RFX7: variants seen among roughly 807,000 people sequenced by gnomAD.
RFX7 encodes DNA-binding protein RFX7.
RFX7 carries 26 observed loss-of-function variants against 111.8 expected under a neutral mutation model. The observed-to-expected ratio is 0.23, with a 90% CI of 0.17 to 0.32. The LOEUF (loss-of-function observed/expected upper bound fraction) is 0.32, where lower values mean the gene tolerates loss of function less well. Among genes scored for constraint, RFX7 ranks in the 10% least tolerant of loss-of-function variants. The probability of loss-of-function intolerance (pLI) is 1.00; values close to 1 mark genes in which losing one functional copy is unlikely to be tolerated. For missense variants in RFX7, 1,573 were observed against 1,772.9 expected, an observed-to-expected ratio of 0.89 and a Z score of 2.02; for synonymous variants, 624 against 624.4, an observed-to-expected ratio of 1.00 and a Z score of 0.01.
chr15:56,217,112 T>C (rs2043370247), intron 2 of RFX7, among the ~76,000 whole-genome samples: 1 of 152,206 alleles, frequency 6.6e-6, no homozygotes, highest in African/African-American at 2.4e-5. Context: ...GTCAAATTTA[T>C]TTTCTTTCTA....
At chr15:56,209,919 AAAC>A (rs1336436138) in intron 2 of RFX7, among the ~76,000 whole-genome samples, 1 of 152,110 alleles carries the variant, frequency 6.6e-6, no homozygotes, top group Non-Finnish European at 1.5e-5. Flanking sequence ...ACAAAAATAA[AAAC>A]AAAGAACAAG....
At chr15:56,143,878 T>C (rs536795951) in intron 4 of RFX7, among the ~76,000 whole-genome samples, 6 of 152,304 alleles carry the variant, frequency 3.9e-5, no homozygotes, top group Admixed American at 2.0e-4. Context: ...AAAATTAGAA[T>C]GACTGAATGA....
At chr15:56,233,646 T>C (rs928764292) in intron 2 of RFX7, among the ~76,000 whole-genome samples, 9 of 152,110 alleles carry the variant, frequency 5.9e-5, no homozygotes, top group African/African-American at 1.7e-4. Flanking sequence ...TTAGAGTAAC[T>C]GAAATGAGTA....
chr15:56,152,422 T>C (rs747922649), intron 3 of RFX7, among the ~76,000 whole-genome samples: 2 of 152,124 alleles, frequency 1.3e-5, no homozygotes, highest in African/African-American at 2.4e-5. Flanking sequence ...TACAAATACA[T>C]GGAAACTGAA....
chr15:56,161,447 C>T (rs2042719049), intron 3 of RFX7, among the ~76,000 whole-genome samples: 2 of 151,964 alleles, frequency 1.3e-5, no homozygotes, highest in Non-Finnish European at 2.9e-5. Flanking sequence ...GCACATAAAA[C>T]TAAGAAATGA....
intron 2 of RFX7, among the ~76,000 whole-genome samples, chr15:56,184,193 ATTTTTTTTTTTTT>A (rs35880948): frequency 2.5e-5 from 2 of 80,732 alleles, no homozygotes; most frequent in East Asian, 3.6e-4. Context: ...CTAATTTTGT[ATTTTTTTTTTTTT>A]TTTTTTTTTT....
intron 2 of RFX7, among the ~76,000 whole-genome samples, chr15:56,221,636 A>G (rs1276964098): frequency 2.0e-5 from 3 of 151,888 alleles, no homozygotes; most frequent in Non-Finnish European, 4.4e-5. Context: ...TGTCTTCTTT[A>G]TTATTCATCT....
intron 5 of RFX7, among the ~76,000 whole-genome samples, chr15:56,111,648 AAAAT>A (rs1205928927): frequency 8.1e-5 from 12 of 148,418 alleles, no homozygotes; most frequent in African/African-American, 2.5e-4. Context: ...GATCAATAAA[AAAAT>A]AAATAAACCA....
In RFX7 at chr15:56,096,268, G is replaced by T; in HGVS notation, c.1460C>A (p.Thr487Asn). 2.5e-6 allele frequency: 4 copies of T among 1,613,990 alleles called. No individual in the cohort carries two copies. Among genetic ancestry groups the T allele is most frequent in the Non-Finnish European group, 3.4e-6 (4 of 1,179,866 alleles). The change falls in exon 10 of 10, where the codon ACC (threonine) becomes AAC (asparagine). Residue 487 changes from threonine (T) to asparagine (N), a missense_variant. Physicochemically the swap from Thr to Asn is moderately conservative, Grantham distance 65. Coordinates refer to ENST00000559447, the MANE Select transcript of RFX7 (RefSeq NM_022841.7). Reference protein sequence around the residue: ...TISLTPSNSNTPLKHSASVSS... With the variant: ...TISLTPSNSNNPLKHSASVSS... Reference sequence around the variant, plus strand: ...GACTGAGGCAGAATGTTTAAGAGGGGTGTTACTGTTGCTGGGTGTGAGGGA... The same window carrying T: ...GACTGAGGCAGAATGTTTAAGAGGGTTGTTACTGTTGCTGGGTGTGAGGGA...
chr15:56,166,153 C>T (rs144652126), intron 3 of RFX7, among the ~76,000 whole-genome samples: 20 of 152,268 alleles, frequency 1.3e-4, no homozygotes, highest in East Asian at 5.8e-4. Context: ...TCTCCTGCCT[C>T]GGAAAGTGTT....
intron 3 of RFX7, among the ~76,000 whole-genome samples, chr15:56,168,169 T>C (rs1239890504): frequency 6.6e-6 from 1 of 152,190 alleles, no homozygotes; most frequent in East Asian, 1.9e-4. Flanking sequence ...TGTTTCTTCA[T>C]CTGCAAAATG....
intron 5 of RFX7, 57 bp from the exon 6 acceptor site, chr15:56,103,727 G>T: frequency 9.8e-7 from 1 of 1,023,524 alleles, no homozygotes; most frequent in Non-Finnish European, 1.5e-6. Context: ...ATATCGCAGG[G>T]TGCTATTTCA....
chr15:56,215,018 A>C (rs1233983557), intron 2 of RFX7, among the ~76,000 whole-genome samples: 1 of 152,198 alleles, frequency 6.6e-6, no homozygotes, highest in Non-Finnish European at 1.5e-5. Flanking sequence ...TTTAACTACA[A>C]CTTTTTCACT....
At chr15:56,153,213 G>A (rs542327226) in intron 3 of RFX7, among the ~76,000 whole-genome samples, 4 of 152,178 alleles carry the variant, frequency 2.6e-5, no homozygotes, top group African/African-American at 9.7e-5. Context: ...CATTTTATGA[G>A]GCCAGCATCA....
chr15:56,179,915 A>G (rs1595990537), intron 2 of RFX7, among the ~76,000 whole-genome samples: 1 of 152,260 alleles, frequency 6.6e-6, no homozygotes, highest in East Asian at 1.9e-4. Flanking sequence ...AAATAATACA[A>G]TAAAGCCACT....
At chr15:56,217,418 CTTT>C (rs768315071) in intron 2 of RFX7, among the ~76,000 whole-genome samples, 4 of 143,656 alleles carry the variant, frequency 2.8e-5, no homozygotes, top group Non-Finnish European at 4.6e-5. Flanking sequence ...GCTGTTACAA[CTTT>C]TTTTTTTTTT....
chr15:56,207,291 T>C (rs1596009166), intron 2 of RFX7, among the ~76,000 whole-genome samples: 2 of 151,742 alleles, frequency 1.3e-5, no homozygotes. Flanking sequence ...AATGGGGGGG[T>C]ATTGTTTAAT....
In RFX7 at chr15:56,093,352, A is replaced by G. The variant is rs868600830; in HGVS notation, c.4376T>C (p.Leu1459Ser). ...ESKDHPTVEMLG is the reference protein window; with the variant it reads ...ESKDHPTVEMSG ...CATGTTATAAAACACAATTTAACCC[A>G]ACATTTCAACAGTAGGATGGTCCTT... Residue 1459 changes from leucine (L) to serine (S), a missense_variant, in exon 10 of 10, where the codon TTG becomes TCG. Physicochemically the swap from Leu to Ser is moderately radical, Grantham distance 145 (BLOSUM62 -2). Coordinates refer to ENST00000559447, the MANE Select transcript of RFX7 (RefSeq NM_022841.7). The G allele has an allele frequency of 1.9e-6, 3 of 1,605,162 alleles. No homozygotes were observed. The highest frequency in any genetic ancestry group is 2.7e-5 in the African/African-American group (2 of 74,784).
chr15:56,088,057 C>A lies in RFX7; in HGVS notation c.*5288G>T. ...GGAAAATTACAAACTACAGGTAAAT[C>A]TAAAAGCAATAAAAATGAAAAAGAA... On this transcript the variant is annotated 3_prime_UTR_variant, in exon 10 of 10. Transcript: ENST00000559447. The A allele has an allele frequency of 4.7e-6, 1 of 214,122 alleles. No individual in the cohort carries two copies. The highest frequency in any genetic ancestry group is 9.7e-6 in the Non-Finnish European group (1 of 102,650). The allele number at this position is 214,122 out of a possible 1,614,324, so 13.3% of individuals were successfully genotyped here.
Sources: gnomAD v4.1 joint callset for allele counts (sites outside exome capture counted in the v4.1 genomes callset) on GRCh38, gnomAD v4.1.1 for gene constraint, MANE v1.5 for transcripts, NCBI Gene and HGNC (gene_info 2026-07-23, HGNC 2026-07-21) for gene names.